GLCCI1: variants seen among roughly 807,000 people sequenced by gnomAD.
The protein encoded by GLCCI1 is glucocorticoid induced 1.
GLCCI1 carries 24 observed loss-of-function variants against 52.2 expected under a neutral mutation model. That is an observed-to-expected ratio of 0.46 (90% confidence interval 0.33 to 0.65). GLCCI1 has a LOEUF of 0.65. GLCCI1 is among the 30% of genes least tolerant of loss of function. The probability of loss-of-function intolerance (pLI) is 0.02; values close to 1 mark genes in which losing one functional copy is unlikely to be tolerated. For synonymous variants in GLCCI1, 310 were observed against 276.5 expected (o/e 1.12, Z -1.20); for missense variants, 704 against 701.5 (o/e 1.00, Z -0.04).
chr7:8,081,105 G>A (rs1782984857), intron 6 of GLCCI1, among the ~76,000 whole-genome samples: 1 of 152,062 alleles, frequency 6.6e-6, no homozygotes, highest in African/African-American at 2.4e-5. Context: ...GAAGTCAGGT[G>A]GCCTCACTCC....
intron 1 of GLCCI1, among the ~76,000 whole-genome samples, chr7:7,985,423 A>G (rs1273497068): frequency 1.3e-5 from 2 of 152,162 alleles, no homozygotes; most frequent in East Asian, 3.8e-4. Context: ...ATTTTAATAT[A>G]CTGAGGGATA....
intron 3 of GLCCI1, among the ~76,000 whole-genome samples, chr7:8,046,556 T>A (rs1305765106): frequency 6.6e-6 from 1 of 152,256 alleles, no homozygotes; most frequent in Non-Finnish European, 1.5e-5. Context: ...TAACTTCTTA[T>A]CGGAATTCAG....
intron 5 of GLCCI1, among the ~76,000 whole-genome samples, chr7:8,063,179 C>G (rs1369321134): frequency 6.6e-6 from 1 of 152,070 alleles, no homozygotes; most frequent in African/African-American, 2.4e-5. Context: ...GCTCTGTTGC[C>G]CAGGTTGGAG....
intron 2 of GLCCI1, among the ~76,000 whole-genome samples, chr7:8,005,755 A>G (rs1045052369): frequency 2.0e-5 from 3 of 152,130 alleles, no homozygotes; most frequent in African/African-American, 7.2e-5. Flanking sequence ...CTATGTGCTG[A>G]CACTATCGAG....
chr7:8,007,209 T>A (rs1400568606), intron 2 of GLCCI1, among the ~76,000 whole-genome samples: 1 of 152,120 alleles, frequency 6.6e-6, no homozygotes, highest in Non-Finnish European at 1.5e-5. Flanking sequence ...GAAAAGAAGG[T>A]AAAATATAGG....
At chr7:7,970,608 T>G (rs1387949225) in intron 1 of GLCCI1, 1 of 152,742 alleles carries the variant, frequency 6.5e-6, no homozygotes, top group African/African-American at 2.4e-5. Flanking sequence ...CTCAAGTTTC[T>G]TTTTTTGTTA....
intron 3 of GLCCI1, among the ~76,000 whole-genome samples, chr7:8,034,440 A>G (rs891151796): frequency 6.6e-6 from 1 of 152,222 alleles, no homozygotes; most frequent in Non-Finnish European, 1.5e-5. Flanking sequence ...CAAGCCACAG[A>G]CTTGAAGAAA....
intron 3 of GLCCI1, among the ~76,000 whole-genome samples, chr7:8,030,247 T>G (rs1781716300): frequency 6.6e-6 from 1 of 152,128 alleles, no homozygotes; most frequent in African/African-American, 2.4e-5. Flanking sequence ...TTCACACACC[T>G]AAAATGAGCT....
At chr7:8,056,227 G>A (rs578188186) in intron 4 of GLCCI1, among the ~76,000 whole-genome samples, 1 of 152,234 alleles carries the variant, frequency 6.6e-6, no homozygotes, top group South Asian at 2.1e-4. Context: ...GAACCCGGGA[G>A]GCAGAGGTTG....
intron 1 of GLCCI1, among the ~76,000 whole-genome samples, chr7:7,976,341 T>C (rs1041489748): frequency 1.3e-5 from 2 of 151,606 alleles, no homozygotes; most frequent in African/African-American, 2.4e-5. Context: ...TAGCCGGGCA[T>C]GGTGGTACAC....
At chr7:8,072,977 T>C (rs1782796230) in intron 6 of GLCCI1, among the ~76,000 whole-genome samples, 1 of 152,202 alleles carries the variant, frequency 6.6e-6, no homozygotes, top group Non-Finnish European at 1.5e-5. Context: ...TCACAGGTCT[T>C]CACTTACATC....
chr7:8,040,007 A>T (rs1325101171), intron 3 of GLCCI1, among the ~76,000 whole-genome samples: 2 of 150,780 alleles, frequency 1.3e-5, no homozygotes, highest in East Asian at 3.9e-4. Flanking sequence ...AAAAAAAAAA[A>T]AAAAAAGAAG....
chr7:8,004,963 G>A (rs938308946), intron 2 of GLCCI1, among the ~76,000 whole-genome samples: 7 of 152,160 alleles, frequency 4.6e-5, no homozygotes, highest in African/African-American at 1.7e-4. Flanking sequence ...ATTTTCTCAG[G>A]CAAGCTTGCA....
At chr7:8,012,711 C>T (rs1486074351) in intron 2 of GLCCI1, among the ~76,000 whole-genome samples, 2 of 152,112 alleles carry the variant, frequency 1.3e-5, no homozygotes, top group African/African-American at 2.4e-5. Context: ...TCCCAAAGTA[C>T]TGGGATTACA....
chr7:7,975,161 G>T (rs948412719), intron 1 of GLCCI1, among the ~76,000 whole-genome samples: 1 of 152,160 alleles, frequency 6.6e-6, no homozygotes. Flanking sequence ...TATTCTGGAA[G>T]AATTTTTGTG....
chr7:8,053,050 TAAC>T (rs1342778850), intron 3 of GLCCI1, among the ~76,000 whole-genome samples: 6 of 145,024 alleles, frequency 4.1e-5, no homozygotes, highest in African/African-American at 1.3e-4. Context: ...ATGCAAATGT[TAAC>T]AGTAGTGGGG....
intron 1 of GLCCI1, among the ~76,000 whole-genome samples, chr7:7,995,554 T>G (rs1230633071): frequency 6.6e-6 from 1 of 152,098 alleles, no homozygotes; most frequent in African/African-American, 2.4e-5. Flanking sequence ...ATATACACCA[T>G]GGAATACTAT....
intron 2 of GLCCI1, among the ~76,000 whole-genome samples, chr7:8,014,837 T>G (rs780660057): frequency 1.9e-4 from 29 of 152,238 alleles, no homozygotes; most frequent in Middle Eastern, 3.2e-3. Context: ...TAAATAAAAT[T>G]ACATATACTG....
intron 3 of GLCCI1, among the ~76,000 whole-genome samples, chr7:8,023,126 C>T (rs1390225538): frequency 1.3e-5 from 2 of 152,198 alleles, no homozygotes; most frequent in Non-Finnish European, 2.9e-5. Context: ...CGCCATTCTC[C>T]TGCCTCAGCC....
Sources: allele counts gnomAD v4.1 joint callset (sites outside exome capture counted in the v4.1 genomes callset), GRCh38; gene constraint gnomAD v4.1.1; transcripts MANE v1.5; gene names NCBI Gene and HGNC (gene_info 2026-07-23, HGNC 2026-07-21).